Variants in ADGRG4 observed in about 807,000 individuals in gnomAD.
ADGRG4 encodes the protein G protein-coupled receptor 112.
ADGRG4 carries 122 observed loss-of-function variants against 126.2 expected under a neutral mutation model. The observed-to-expected ratio is 0.97, with a 90% CI of 0.83 to 1.12. The LOEUF is 1.12. Ranked by LOEUF, ADGRG4 falls within the 50% of genes most tolerant of loss-of-function variation. The probability of loss-of-function intolerance (pLI) is 0.00; values close to 1 mark genes in which losing one functional copy is unlikely to be tolerated. For missense variants in ADGRG4, 2,481 were observed against 2,251.8 expected (o/e 1.10, Z -2.06); for synonymous variants, 943 against 838.7 (o/e 1.12, Z -2.15).
At chrX:136,390,736 TA>T (rs1375672346) in intron 16 of ADGRG4, among the ~76,000 whole-genome samples, 1 of 111,605 alleles carries the variant, frequency 9.0e-6, no homozygotes. Context: ...TACCGTTTTG[TA>T]GTAAGGGAAA....
chrX:136,324,651 A>G (rs1360540250), intron 5 of ADGRG4, among the ~76,000 whole-genome samples: 2 of 111,908 alleles, frequency 1.8e-5, no homozygotes, highest in Non-Finnish European at 3.8e-5. Context: ...ATCTGCTACT[A>G]TCATTTATTT....
intron 15 of ADGRG4, among the ~76,000 whole-genome samples, chrX:136,375,637 T>C (rs2075220903): frequency 8.9e-6 from 1 of 112,313 alleles, no homozygotes; most frequent in Admixed American, 9.5e-5. Flanking sequence ...TGATGGTTAG[T>C]GATATTGAGC....
chrX:136,347,170 C>T lies in ADGRG4; in HGVS notation c.3464C>T (p.Pro1155Leu). 1 of 1,211,270 alleles carries T rather than the reference C, an allele frequency of 8.3e-7. No individual in the cohort carries two copies. The highest frequency in any genetic ancestry group is 1.1e-6 in the Non-Finnish European group (1 of 895,217). ...CSKPPPDNIP[P>L]ASSTHVISTT... ...AAACCTCCCCCTGACAACATTCCTCCTGCGTCCTCCACTCATGTGATCTCA... is the reference window on the plus strand; with the variant it reads ...AAACCTCCCCCTGACAACATTCCTCTTGCGTCCTCCACTCATGTGATCTCA... The change falls in exon 6 of 26, where the codon CCT becomes CTT. Residue 1155 changes from proline (P) to leucine (L), a missense_variant. Coordinates refer to ENST00000394143, the MANE Select transcript of ADGRG4 (RefSeq NM_153834.4).
At chrX:136,377,167 C>CTTTTTTTTTTTTTTTTTTTTTTTGT (rs2075231744) in intron 15 of ADGRG4, among the ~76,000 whole-genome samples, 1 of 48,656 alleles carries the variant, frequency 2.1e-5, no homozygotes, top group Non-Finnish European at 3.4e-5. Context: ...GTTTTCTTTC[C>CTTTTTTTTTTTTTTTTTTTTTTTGT]TTTTTTTTTT....
chrX:136,332,267 G>A (rs773824572), intron 5 of ADGRG4, among the ~76,000 whole-genome samples: 1 of 104,926 alleles, frequency 9.5e-6, no homozygotes, highest in Non-Finnish European at 2.0e-5. Context: ...TTGGTTTTTT[G>A]TTCTTGCGAT....
chrX:136,333,580 C>G (rs952908252), intron 5 of ADGRG4, among the ~76,000 whole-genome samples: 1 of 111,670 alleles, frequency 9.0e-6, no homozygotes, highest in Non-Finnish European at 1.9e-5. Context: ...TGCACTGGCA[C>G]GATCTCAGCT....
Position 136,405,976 on chromosome X carries a change from A to G in ADGRG4, c.8935+4A>G. The G allele has an allele frequency of 8.9e-7, 1 of 1,124,554 alleles. No homozygotes were observed. Among genetic ancestry groups the G allele is most frequent in the Non-Finnish European group, 1.2e-6 (1 of 851,788 alleles). The allele number at this position is 1,124,554 out of a possible 1,213,427, so 92.7% of individuals were successfully genotyped here. A position where few individuals can be genotyped will look rare whatever the true frequency, so the allele number is the denominator to read the frequency against. On this transcript the variant is annotated splice_donor_region_variant and intron_variant, in intron 23 of 25. Coordinates refer to ENST00000394143, the MANE Select transcript of ADGRG4 (RefSeq NM_153834.4). ...GCCATTTTTAACACTTTGCAAGGTA[A>G]CTGGTGCTTTTTTGCCTTTTCTGTG...
intron 1 of ADGRG4, among the ~76,000 whole-genome samples, chrX:136,302,334 T>C (rs1390681968): frequency 1.8e-5 from 2 of 112,048 alleles, no homozygotes; most frequent in East Asian, 5.5e-4. Context: ...TATTTTATTC[T>C]CTGTGAAGTG....
At position 136,345,216 on chromosome X, in the gene ADGRG4, G is replaced by A; in HGVS notation, c.1510G>A (p.Val504Ile). 8.3e-7 allele frequency: 1 copy of A among 1,210,330 alleles called. No individual in the cohort carries two copies. Among genetic ancestry groups the A allele is most frequent in the Non-Finnish European group, 1.1e-6 (1 of 894,408 alleles). ...AACTGATATGAAAATAGCATTTACA[G>A]TCCATTCATTGACTCTCCCAACTAG... ...ATTDMKIAFT[V>I]HSLTLPTRLI... Residue 504 changes from valine (V) to isoleucine (I), a missense_variant, in exon 6 of 26, where the codon GTC becomes ATC. Transcript: ENST00000394143.
chrX:136,358,930 G>C (rs1043056284), intron 10 of ADGRG4, among the ~76,000 whole-genome samples: 76 of 111,936 alleles, frequency 6.8e-4, no homozygotes, highest in Non-Finnish European at 1.1e-3. Context: ...GTAAATTGGA[G>C]ACCAGAAGAA....
chrX:136,386,937 T>C (rs1569334810), intron 15 of ADGRG4, among the ~76,000 whole-genome samples: 1 of 112,184 alleles, frequency 8.9e-6, no homozygotes, highest in East Asian at 2.8e-4. Context: ...AATTTATTGG[T>C]TCACAGTTCT....
intron 4 of ADGRG4, 113 bp from the exon 5 acceptor site, chrX:136,322,665 G>A (rs2074845883): frequency 3.3e-6 from 2 of 601,126 alleles, no homozygotes; most frequent in Non-Finnish European, 5.1e-6. Context: ...CACCAGTATT[G>A]ACTCATAATT....
At chrX:136,321,737 G>A (rs980142177) in intron 4 of ADGRG4, among the ~76,000 whole-genome samples, 1 of 111,992 alleles carries the variant, frequency 8.9e-6, no homozygotes, top group Non-Finnish European at 1.9e-5. Context: ...GAAACAAAGG[G>A]CATATCCAAT....
At chrX:136,301,430 G>A (rs2074699004) in intron 1 of ADGRG4, among the ~76,000 whole-genome samples, 1 of 111,732 alleles carries the variant, frequency 8.9e-6, no homozygotes, top group African/African-American at 3.3e-5. Flanking sequence ...TTTTTGATGG[G>A]GTTGTTTGTT....
At chrX:136,322,368 G>A (rs2074844321) in intron 4 of ADGRG4, among the ~76,000 whole-genome samples, 1 of 111,576 alleles carries the variant, frequency 9.0e-6, no homozygotes, top group Admixed American at 9.5e-5. Context: ...AGGCAGTTAG[G>A]TGGGCGGAAA....
In ADGRG4 at chrX:136,350,130, G is replaced by T; in HGVS notation, c.6424G>T (p.Val2142Phe). ...TTCTACAACTGACCACACTCTATCT[G>T]TTGGTGCCATGCCTCTGCCTAGCTC... ...SPSTTDHTLSVGAMPLPSSTI... is the reference protein window; with the variant it reads ...SPSTTDHTLSFGAMPLPSSTI... Residue 2142 changes from valine to phenylalanine, a missense_variant, in exon 6 of 26, where the codon GTT becomes TTT. By Grantham distance (50) the Val-to-Phe change is conservative. Transcript: ENST00000394143. 3 of 1,209,474 alleles carry T rather than the reference G, an allele frequency of 2.5e-6. No homozygotes were observed. Among genetic ancestry groups the T allele is most frequent in the Non-Finnish European group, 3.4e-6 (3 of 893,675 alleles).
rs775527456 is a variant in ADGRG4 at position 136,347,192 on chromosome X, C to T, written c.3486C>T (p.Ile1162=). The change falls in exon 6 of 26, where the codon ATC becomes ATT. Residue 1162 remains isoleucine (I), a synonymous_variant. Transcript: ENST00000394143. ...CTCCTGCGTCCTCCACTCATGTGAT[C>T]TCAACTACGTCTACACCAGAAGCAA... The part of the protein sequence containing the change: ...NIPPASSTHV[I]STTSTPEATQ... 1.7e-6 allele frequency: 2 copies of T among 1,209,195 alleles called. No homozygotes were observed. The highest frequency in any genetic ancestry group is 2.2e-5 in the Admixed American group (1 of 45,696).
intron 5 of ADGRG4, among the ~76,000 whole-genome samples, chrX:136,334,072 CTCTCTTTCTTTCTT>C (rs1371678412): frequency 2.1e-5 from 2 of 93,649 alleles, no homozygotes; most frequent in South Asian, 5.8e-4. Context: ...TTGAGGTTCT[CTCTCTTTCTTTCTT>C]TCTTTCTTTC....
chrX:136,403,371 A>T, intron 22 of ADGRG4, 49 bp downstream of exon 22: 1 of 995,280 alleles, frequency 1.0e-6, no homozygotes, highest in Non-Finnish European at 1.4e-6. Flanking sequence ...CTGGCCCAGC[A>T]GGGTATAGTA....
Sources: gnomAD v4.1 joint callset for allele counts (sites outside exome capture counted in the v4.1 genomes callset) on GRCh38, gnomAD v4.1.1 for gene constraint, MANE v1.5 for transcripts, NCBI Gene and HGNC (gene_info 2026-07-23, HGNC 2026-07-21) for gene names.